Variants in PFKP observed in about 807,000 individuals in gnomAD.
The protein encoded by PFKP is ATP-dependent 6-phosphofructokinase, platelet type.
A neutral mutation model predicts 94.3 loss-of-function variants in PFKP; 101 were observed. The ratio of observed to expected loss-of-function variants is 1.07; its 90% CI spans 0.91 to 1.26. The LOEUF (loss-of-function observed/expected upper bound fraction) is 1.26. Among genes scored for constraint, PFKP ranks in the 50% most tolerant of loss-of-function variants. PFKP has a pLI of 0.00. For synonymous variants in PFKP, 573 were observed against 432.6 expected (o/e 1.32, Z -4.03); for missense variants, 1,145 against 1,103.3 (o/e 1.04, Z -0.53).
chr10:3,069,206 G>GC (rs1831990881), intron 1 of PFKP: 15 of 1,284,568 alleles, frequency 1.2e-5, no homozygotes, highest in Non-Finnish European at 1.5e-5. Flanking sequence ...GCCCTGCAGC[G>GC]CCCCCGGGAA....
In PFKP at chr10:3,099,444, C is replaced by T. The variant is rs113406337; in HGVS notation, c.264+92C>T. 5.1e-4 allele frequency: 503 copies of T among 979,634 alleles called. 4 individuals are homozygous for T. In the African/African-American group the frequency reaches 6.6e-3, roughly 13 times the overall value. The allele number at this position is 979,634 out of a possible 1,614,324, so 60.7% of individuals were successfully genotyped here. On this transcript the variant is annotated intron_variant, in intron 3 of 21. Coordinates refer to ENST00000381125, the MANE Select transcript of PFKP (RefSeq NM_002627.5). ...AGAACACTTGAGCTCAGATCAGTTG[C>T]GAAATAGAGATTATGTGGACAGAAC...
Position 3,136,688 on chromosome 10 carries a change from T to A in PFKP, c.*109T>A. The A allele has an allele frequency of 4.0e-6, 5 of 1,235,154 alleles. No homozygotes were observed. Among genetic ancestry groups the A allele is most frequent in the Non-Finnish European group, 5.7e-6 (5 of 882,986 alleles). 76.5% of individuals were successfully genotyped at this position (1,235,154 alleles called of 1,614,324 possible). ...ACGTATTATTGACATTAATACCTAA[T>A]CGGCGAGTGCCCATCTGCCCCACCT... On this transcript the variant is annotated 3_prime_UTR_variant, in exon 22 of 22. Coordinates refer to ENST00000381125, the MANE Select transcript of PFKP (RefSeq NM_002627.5).
intron 16 of PFKP, among the ~76,000 whole-genome samples, chr10:3,128,437 G>T (rs903608364): frequency 2.0e-5 from 3 of 152,224 alleles, no homozygotes; most frequent in Non-Finnish European, 4.4e-5. Context: ...CAGAGCTGAG[G>T]AAGGTGCCTC....
intron 11 of PFKP, 107 bp downstream of exon 11, chr10:3,112,393 A>G: frequency 1.2e-6 from 1 of 856,734 alleles, no homozygotes; most frequent in Non-Finnish European, 2.0e-6. Flanking sequence ...CACTGTGAAA[A>G]ATCAGAAAGT....
chr10:3,084,529 G>T (rs1833336517), intron 2 of PFKP, among the ~76,000 whole-genome samples: 1 of 152,174 alleles, frequency 6.6e-6, no homozygotes, highest in Admixed American at 6.5e-5. Context: ...TTTAACGGAG[G>T]GTCTAGCTGT....
In PFKP at chr10:3,108,772, T is replaced by C. The variant is rs1328165280; in HGVS notation, c.942T>C (p.Pro314=). 16 of 1,612,946 alleles carry C rather than the reference T, an allele frequency of 9.9e-6. No homozygotes were observed. Among genetic ancestry groups the C allele is most frequent in the Non-Finnish European group, 1.3e-5 (15 of 1,179,068 alleles). The change falls in exon 9 of 22, where the codon CCT becomes CCC. Residue 314 remains proline, a synonymous_variant. Coordinates refer to ENST00000381125, the MANE Select transcript of PFKP (RefSeq NM_002627.5). ...ILGHVQRGGT[P]SAFDRILASR... ...GGCACGTGCAGAGAGGAGGGACCCCTTCGGCATTCGACAGGATCTTGGTGA... is the reference window on the plus strand; with the variant it reads ...GGCACGTGCAGAGAGGAGGGACCCCCTCGGCATTCGACAGGATCTTGGTGA...
chr10:3,086,206 G>A (rs965715975), intron 2 of PFKP, among the ~76,000 whole-genome samples: 4 of 152,162 alleles, frequency 2.6e-5, no homozygotes, highest in African/African-American at 7.2e-5. Flanking sequence ...TGATTTTCAC[G>A]GCTGCTCCTG....
At chr10:3,115,808 G>A (rs975317472) in intron 13 of PFKP, among the ~76,000 whole-genome samples, 3 of 152,178 alleles carry the variant, frequency 2.0e-5, no homozygotes, top group Admixed American at 6.5e-5. Context: ...TAAGAGTAGG[G>A]TGGGAAGAGG....
intron 19 of PFKP, 68 bp downstream of exon 19, chr10:3,133,382 A>C (rs1838829575): frequency 1.0e-6 from 1 of 994,706 alleles, no homozygotes; most frequent in South Asian, 1.3e-5. Flanking sequence ...TTAGTGTCTT[A>C]TTTTAGCCAT....
At chr10:3,089,947 A>G (rs1353625110) in intron 2 of PFKP, among the ~76,000 whole-genome samples, 1 of 151,966 alleles carries the variant, frequency 6.6e-6, no homozygotes, top group East Asian at 1.9e-4. Flanking sequence ...CTCTGTCTTC[A>G]TGAGATCAAT....
chr10:3,136,373 C>A, intron 21 of PFKP, 77 bp from the exon 22 acceptor site: 1 of 1,514,878 alleles, frequency 6.6e-7, no homozygotes, highest in Non-Finnish European at 9.1e-7. Context: ...GGCAAGACCG[C>A]TCGCTGTGCT....
intron 3 of PFKP, 70 bp from the exon 4 acceptor site, chr10:3,101,295 G>C: frequency 7.9e-7 from 1 of 1,263,846 alleles, no homozygotes; most frequent in Non-Finnish European, 1.1e-6. Context: ...TTTATAGTCG[G>C]CCTGTGTGTG....
At chr10:3,079,831 G>A (rs1588397969) in intron 1 of PFKP, among the ~76,000 whole-genome samples, 2 of 152,138 alleles carry the variant, frequency 1.3e-5, no homozygotes, top group Admixed American at 6.6e-5. Flanking sequence ...TCCACCCTTC[G>A]AGTTGAAGAG....
intron 1 of PFKP, chr10:3,069,135 C>T (rs1831981730): frequency 1.4e-6 from 1 of 737,072 alleles, no homozygotes; most frequent in South Asian, 6.1e-5. Context: ...CGCAGCCTCC[C>T]CAGGCCCAGC....
At chr10:3,115,727 G>T (rs956576565) in intron 13 of PFKP, among the ~76,000 whole-genome samples, 1 of 152,210 alleles carries the variant, frequency 6.6e-6, no homozygotes, top group African/African-American at 2.4e-5. Context: ...AACTCACAGA[G>T]CTTCCCTGAG....
At chr10:3,077,087 A>C (rs1832653974) in intron 1 of PFKP, among the ~76,000 whole-genome samples, 14 of 152,146 alleles carry the variant, frequency 9.2e-5, no homozygotes, top group Admixed American at 9.2e-4. Flanking sequence ...AAAAGAATTT[A>C]TGCATTGAAA....
chr10:3,084,112 G>A (rs533679210), intron 2 of PFKP, among the ~76,000 whole-genome samples: 5 of 152,322 alleles, frequency 3.3e-5, no homozygotes, highest in Middle Eastern at 3.4e-3. Context: ...GCGATTTGAT[G>A]TTTTGTATTA....
intron 16 of PFKP, among the ~76,000 whole-genome samples, chr10:3,127,212 C>T (rs1052240563): frequency 1.3e-5 from 2 of 152,230 alleles, no homozygotes; most frequent in Non-Finnish European, 2.9e-5. Context: ...CCAGCAAAGG[C>T]GGCCTCTTCC....
intron 13 of PFKP, among the ~76,000 whole-genome samples, chr10:3,115,486 G>A (rs1477640026): frequency 1.4e-5 from 2 of 146,826 alleles, no homozygotes; most frequent in African/African-American, 2.5e-5. Context: ...GGACAGGACT[G>A]GGGATGCTGG....
Sources: gnomAD v4.1 joint callset for allele counts (sites outside exome capture counted in the v4.1 genomes callset) on GRCh38, gnomAD v4.1.1 for gene constraint, MANE v1.5 for transcripts, NCBI Gene and HGNC (gene_info 2026-07-23, HGNC 2026-07-21) for gene names.